Variants in FRK observed in about 807,000 individuals in gnomAD.
FRK encodes the protein tyrosine-protein kinase FRK.
In FRK, 51 loss-of-function variants were observed where a neutral mutation model predicts 56.4. The observed-to-expected ratio is 0.90, with a 90% CI of 0.72 to 1.14. The LOEUF is 1.14. Among genes scored for constraint, FRK ranks in the 50% most tolerant of loss-of-function variants. FRK has a pLI of 0.00. For synonymous variants in FRK, 245 were observed against 217.9 expected, an observed-to-expected ratio of 1.12 and a Z score of -1.10; for missense variants, 570 against 601.4, an observed-to-expected ratio of 0.95 and a Z score of 0.55.
At chr6:115,943,222 A>AT in intron 6 of FRK, 37 bp from the exon 7 acceptor site, 2 of 1,480,506 alleles carry the variant, frequency 1.4e-6, no homozygotes, top group Non-Finnish European at 1.8e-6. Flanking sequence ...GAGTTAAAGC[A>AT]ATTTTTTTTT....
intron 2 of FRK, among the ~76,000 whole-genome samples, chr6:115,988,396 G>A (rs9400884): frequency 6.6e-6 from 1 of 152,002 alleles, no homozygotes; most frequent in East Asian, 1.9e-4. Context: ...ATTTTTTGAC[G>A]TTCATAAAGC....
chr6:116,002,446 G>A (rs925908229), intron 2 of FRK, among the ~76,000 whole-genome samples: 5 of 152,184 alleles, frequency 3.3e-5, no homozygotes, highest in African/African-American at 9.6e-5. Context: ...GTGAAATCCC[G>A]TCCCAACTGA....
intron 1 of FRK, among the ~76,000 whole-genome samples, chr6:116,037,606 G>T (rs1344904253): frequency 6.6e-6 from 1 of 152,132 alleles, no homozygotes; most frequent in Non-Finnish European, 1.5e-5. Flanking sequence ...CTCAGCTACT[G>T]CATACTATTA....
At chr6:115,979,817 A>T (rs918691683) in intron 2 of FRK, among the ~76,000 whole-genome samples, 6 of 152,288 alleles carry the variant, frequency 3.9e-5, no homozygotes, top group Middle Eastern at 3.4e-3. Flanking sequence ...CATGCTGTAC[A>T]GGTTTGTAGC....
At chr6:116,058,657 TC>T (rs745873440) in intron 1 of FRK, among the ~76,000 whole-genome samples, 25 of 152,162 alleles carry the variant, frequency 1.6e-4, no homozygotes, top group Non-Finnish European at 3.2e-4. Flanking sequence ...ACGCCTGTAA[TC>T]CCAGCACTTT....
chr6:116,060,591 T>C lies in FRK; in HGVS notation c.-280A>G, dbSNP rs1364102397. 2.8e-6 allele frequency: 1 copy of C among 358,016 alleles called. No homozygotes were observed. The highest frequency in any genetic ancestry group is 2.1e-5 in the African/African-American group (1 of 48,418). The allele number at this position is 358,016 out of a possible 1,614,324, so 22.2% of individuals were successfully genotyped here. ...CTCACTAGGAAGGTGTCTTTTCTTC[T>C]TATCTGCTTAAGAATCCCACAACAA... On this transcript the variant is annotated 5_prime_UTR_variant, in exon 1 of 8. Coordinates refer to ENST00000606080, the MANE Select transcript of FRK (RefSeq NM_002031.3).
chr6:116,096,249 A>C, the FRK span, among the ~76,000 whole-genome samples: 8 of 152,210 alleles, frequency 5.3e-5, no homozygotes, highest in Admixed American at 5.2e-4. Context: ...TCCCACAGGA[A>C]GTAGCTAGAA....
intron 5 of FRK, among the ~76,000 whole-genome samples, chr6:115,949,293 T>C (rs1477756893): frequency 6.6e-6 from 1 of 152,222 alleles, no homozygotes; most frequent in African/African-American, 2.4e-5. Context: ...CTTGCCTGAT[T>C]GTCCTGGCCA....
intron 1 of FRK, chr6:116,038,945 G>A: frequency 1.5e-6 from 1 of 664,264 alleles, no homozygotes; most frequent in Non-Finnish European, 2.9e-6. Flanking sequence ...TGGCTGCGCA[G>A]AACTGCTACA....
chr6:115,966,480 A>G (rs500972), intron 4 of FRK, among the ~76,000 whole-genome samples: 110,655 of 152,066 alleles, frequency 0.73, 40,600 homozygotes, highest in South Asian at 0.89. Context: ...TGAATTCACC[A>G]TGGTGCCCCC....
At chr6:116,092,737 C>A in the FRK span, among the ~76,000 whole-genome samples, 5 of 152,114 alleles carry the variant, frequency 3.3e-5, no homozygotes, top group African/African-American at 1.2e-4. Flanking sequence ...GCAACTATTC[C>A]GATCAGCAGG....
chr6:115,949,321 T>C (rs906386236), intron 5 of FRK, among the ~76,000 whole-genome samples: 3 of 152,172 alleles, frequency 2.0e-5, no homozygotes, highest in African/African-American at 7.2e-5. Context: ...CAATACTATG[T>C]GGAATAGGAG....
At chr6:116,009,726 T>C (rs1317509046) in intron 1 of FRK, among the ~76,000 whole-genome samples, 1 of 152,208 alleles carries the variant, frequency 6.6e-6, no homozygotes, top group Non-Finnish European at 1.5e-5. Flanking sequence ...CTGTTTTAGA[T>C]GAAAATAGTA....
chr6:116,077,155 C>T, the FRK span, among the ~76,000 whole-genome samples: 1 of 152,110 alleles, frequency 6.6e-6, no homozygotes, highest in African/African-American at 2.4e-5. Flanking sequence ...ATGTTTTTAC[C>T]TGTAATGTAG....
intron 1 of FRK, among the ~76,000 whole-genome samples, chr6:116,046,412 A>C (rs1186894667): frequency 3.9e-5 from 6 of 152,276 alleles, no homozygotes; most frequent in Non-Finnish European, 5.9e-5. Flanking sequence ...CTGGATAAAG[A>C]AAATGTAGCA....
intron 1 of FRK, among the ~76,000 whole-genome samples, chr6:116,034,922 G>A (rs1433653805): frequency 1.3e-5 from 2 of 152,026 alleles, no homozygotes; most frequent in African/African-American, 2.4e-5. Context: ...ACACCATAGT[G>A]GATGGAAATT....
chr6:116,066,482 T>C, the FRK span, among the ~76,000 whole-genome samples: 1 of 152,102 alleles, frequency 6.6e-6, no homozygotes, highest in South Asian at 2.1e-4. Flanking sequence ...GTTCTGTCCC[T>C]CTAGAGAACC....
At chr6:115,966,104 C>G (rs554409645) in intron 4 of FRK, among the ~76,000 whole-genome samples, 2 of 140,556 alleles carry the variant, frequency 1.4e-5, no homozygotes, top group African/African-American at 5.2e-5. Context: ...AAGTATTTAT[C>G]TTAACAATTT....
intron 2 of FRK, among the ~76,000 whole-genome samples, chr6:116,000,382 A>G (rs1225974019): frequency 1.3e-5 from 2 of 151,782 alleles, no homozygotes; most frequent in Non-Finnish European, 2.9e-5. Context: ...AGCTGGAATT[A>G]CAGGTGTGCA....
Sources: gnomAD v4.1 joint callset for allele counts (sites outside exome capture counted in the v4.1 genomes callset) on GRCh38, gnomAD v4.1.1 for gene constraint, MANE v1.5 for transcripts, NCBI Gene and HGNC (gene_info 2026-07-23, HGNC 2026-07-21) for gene names.